OXR1: variants seen among roughly 807,000 people sequenced by gnomAD.
OXR1 encodes the protein oxidation resistance protein 1.
Under a neutral mutation model 104.6 loss-of-function variants are expected in OXR1, and 41 were observed. That is an observed-to-expected ratio of 0.39 (90% CI 0.31 to 0.51). The LOEUF is 0.51. Ranked by LOEUF, OXR1 falls within the 20% of genes least tolerant of loss-of-function variation. The pLI is 0.77. For synonymous variants in OXR1, 348 were observed against 348.4 expected (o/e 1.00, Z 0.01); for missense variants, 955 against 1,031.9 (o/e 0.93, Z 1.02).
chr8:106,509,378 CAT>C (rs1812373404), intron 2 of OXR1, among the ~76,000 whole-genome samples: 1 of 152,292 alleles, frequency 6.6e-6, no homozygotes. Context: ...TCAGAAAGCA[CAT>C]GAGGGAAAAC....
At chr8:106,420,397 A>G (rs933385757) in intron 2 of OXR1, among the ~76,000 whole-genome samples, 1 of 151,864 alleles carries the variant, frequency 6.6e-6, no homozygotes. Context: ...CTCTACTAGT[A>G]GTTTTATTTT....
rs146593561 is a variant in OXR1, at chr8:106,578,983, C to CTTTTTTTT, written c.220+59847_220+59848insTTTTTTTT. On this transcript the variant is annotated intron_variant, in intron 3 of 16. Transcript: ENST00000517566. ...GACCACCTAGGTAACCTCACTTTTT[C>CTTTTTTTT]TTTCTTTTTTTTTTTTTTTGCCTAG... Among the ~76,000 whole-genome samples, 68 of 130,984 alleles carry CTTTTTTTT rather than the reference C, an allele frequency of 5.2e-4. 6 individuals are homozygous for CTTTTTTTT. Among genetic ancestry groups the CTTTTTTTT allele is most frequent in the Non-Finnish European group, 6.2e-4 (39 of 63,188 alleles). 85.9% of individuals were successfully genotyped at this position (130,984 alleles called of 152,430 possible).
At chr8:106,736,990 A>G (rs1373405129) in intron 11 of OXR1, among the ~76,000 whole-genome samples, 1 of 152,128 alleles carries the variant, frequency 6.6e-6, no homozygotes, top group African/African-American at 2.4e-5. Flanking sequence ...ATAGGTTTTA[A>G]AATGTACTTC....
intron 1 of OXR1, among the ~76,000 whole-genome samples, chr8:106,275,230 T>C (rs2130473625): frequency 6.6e-6 from 1 of 152,320 alleles, no homozygotes; most frequent in South Asian, 2.1e-4. Context: ...AAATGAGAAA[T>C]TTGAGGTGAA....
chr8:106,480,710 C>T (rs985916959), intron 2 of OXR1, among the ~76,000 whole-genome samples: 3 of 151,870 alleles, frequency 2.0e-5, no homozygotes, highest in African/African-American at 4.8e-5. Context: ...GCATCCCTTC[C>T]GCCAATCACC....
At chr8:106,657,731 T>G in intron 3 of OXR1, 1 of 679,412 alleles carries the variant, frequency 1.5e-6, no homozygotes, top group Non-Finnish European at 2.0e-6. Context: ...TCTGCCTCAT[T>G]TTGCATTTAG....
intron 3 of OXR1, among the ~76,000 whole-genome samples, chr8:106,619,597 A>G (rs904231838): frequency 1.3e-5 from 2 of 152,232 alleles, no homozygotes; most frequent in Non-Finnish European, 2.9e-5. Flanking sequence ...GCAATGCCAA[A>G]TATTTAATCA....
At chr8:106,425,540 G>A (rs1033932783) in intron 2 of OXR1, among the ~76,000 whole-genome samples, 6 of 152,154 alleles carry the variant, frequency 3.9e-5, no homozygotes, top group South Asian at 4.1e-4. Flanking sequence ...CAGTAAGTCC[G>A]CATCATTATT....
chr8:106,648,488 T>C (rs1263666261), intron 3 of OXR1, among the ~76,000 whole-genome samples: 1 of 152,248 alleles, frequency 6.6e-6, no homozygotes, highest in African/African-American at 2.4e-5. Flanking sequence ...CAGAGCCATT[T>C]GCCTAGTTTT....
chr8:106,510,106 G>A (rs1478098932), intron 2 of OXR1, among the ~76,000 whole-genome samples: 1 of 152,130 alleles, frequency 6.6e-6, no homozygotes, highest in Non-Finnish European at 1.5e-5. Context: ...TAGGGAGGAG[G>A]CTATGTTATG....
At chr8:106,522,098 TA>T (rs1209084851) in intron 3 of OXR1, among the ~76,000 whole-genome samples, 1 of 152,150 alleles carries the variant, frequency 6.6e-6, no homozygotes, top group Non-Finnish European at 1.5e-5. Flanking sequence ...GATTTTCAAA[TA>T]AAAAATAATA....
At chr8:106,436,205 CA>C (rs1563522180) in intron 2 of OXR1, among the ~76,000 whole-genome samples, 1 of 152,080 alleles carries the variant, frequency 6.6e-6, no homozygotes, top group Non-Finnish European at 1.5e-5. Context: ...GCCATACAGT[CA>C]CCTAGACCCT....
At chr8:106,657,074 A>G (rs1037144173) in intron 3 of OXR1, among the ~76,000 whole-genome samples, 1 of 152,172 alleles carries the variant, frequency 6.6e-6, no homozygotes, top group Non-Finnish European at 1.5e-5. Flanking sequence ...GAGAATAACC[A>G]CATCTCACAG....
chr8:106,369,146 T>C (rs557245990), intron 2 of OXR1, among the ~76,000 whole-genome samples: 3 of 152,362 alleles, frequency 2.0e-5, no homozygotes, highest in South Asian at 4.1e-4. Context: ...ATTTCTCTGA[T>C]GATCAGTGAT....
intron 3 of OXR1, among the ~76,000 whole-genome samples, chr8:106,552,294 T>A (rs1403973974): frequency 6.6e-6 from 1 of 151,982 alleles, no homozygotes; most frequent in East Asian, 1.9e-4. Context: ...GACTTGCAGC[T>A]GAGATGAGAA....
At chr8:106,580,328 T>G (rs926220132) in intron 3 of OXR1, among the ~76,000 whole-genome samples, 2 of 152,222 alleles carry the variant, frequency 1.3e-5, no homozygotes, top group Admixed American at 6.5e-5. Context: ...TCTTACATAG[T>G]TATCTTCTTG....
At chr8:106,464,133 T>C (rs1310979612) in intron 2 of OXR1, among the ~76,000 whole-genome samples, 2 of 152,114 alleles carry the variant, frequency 1.3e-5, no homozygotes, top group African/African-American at 4.8e-5. Flanking sequence ...TTTTGTCTTA[T>C]TGTAGCCTAG....
At chr8:106,693,720 C>T (rs1018681536) in intron 7 of OXR1, among the ~76,000 whole-genome samples, 4 of 151,916 alleles carry the variant, frequency 2.6e-5, no homozygotes, top group African/African-American at 7.3e-5. Context: ...TGTGAGCCAC[C>T]GCACCCAGCC....
In OXR1 at chr8:106,736,167, C is replaced by CA. The variant is rs531243580; in HGVS notation, c.1957-1353_1957-1352insA. 4.0e-4 allele frequency among the ~76,000 whole-genome samples: 18 copies of CA among 44,660 alleles called. No homozygotes were observed. In the South Asian group the frequency reaches 0.01, roughly 25 times the overall value. The allele number at this position is 44,660 out of a possible 152,430, so 29.3% of individuals were successfully genotyped here. A position where few individuals can be genotyped will look rare whatever the true frequency, so the allele number is the denominator to read the frequency against. ...TGGGGAACCCAGGTTTATCTGACAC[C>CA]CCCCCCCATCCGCCCCCAGAGCTAG... is the stretch of plus-strand genomic sequence containing the variant. On this transcript the variant is annotated intron_variant, in intron 11 of 16. Transcript: ENST00000517566.
Sources: gnomAD v4.1 joint callset for allele counts (sites outside exome capture counted in the v4.1 genomes callset) on GRCh38, gnomAD v4.1.1 for gene constraint, MANE v1.5 for transcripts, NCBI Gene and HGNC (gene_info 2026-07-23, HGNC 2026-07-21) for gene names.